The following TLL1 variants were observed in gnomAD, a reference collection of about 807,000 sequenced individuals.
TLL1 encodes tolloid-like protein 1.
TLL1 carries 49 observed loss-of-function variants against 128.2 expected under a neutral mutation model. That is an observed-to-expected ratio of 0.38 (90% CI 0.30 to 0.48). The LOEUF is 0.48. TLL1 is among the 20% of genes least tolerant of loss of function. The pLI, the probability that TLL1 is intolerant of heterozygous loss-of-function variation, is 0.96. For synonymous variants in TLL1, 454 were observed against 418.8 expected (o/e 1.08, Z -1.03); for missense variants, 1,123 against 1,242.0 (o/e 0.90, Z 1.44).
In TLL1 at chr4:165,957,056, G is replaced by A. The variant is rs1420488721; in HGVS notation, c.170-32325G>A. ...AAACACCCCACTTAAAAGGCACGGA[G>A]TGGCAAGTTAGACAAAAAAATAAGA... On this transcript the variant is annotated intron_variant, in intron 1 of 20. Transcript: ENST00000061240. 5.3e-5 allele frequency among the ~76,000 whole-genome samples: 8 copies of A among 152,086 alleles called. No homozygotes were observed. The East Asian group carries it at 1.5e-3, about 29-fold the overall frequency.
At chr4:166,018,186 G>A (rs1738039634) in intron 8 of TLL1, among the ~76,000 whole-genome samples, 1 of 152,062 alleles carries the variant, frequency 6.6e-6, no homozygotes, top group Non-Finnish European at 1.5e-5. Flanking sequence ...ACAAAAACAA[G>A]CAATGGGGAA....
chr4:165,914,160 C>T (rs1485726004), intron 1 of TLL1, among the ~76,000 whole-genome samples: 1 of 152,222 alleles, frequency 6.6e-6, no homozygotes, highest in East Asian at 1.9e-4. Context: ...ACAATCATTA[C>T]CTTCATTAGA....
At chr4:166,039,293 G>T (rs1560828140) in intron 9 of TLL1, 46 bp from the exon 10 acceptor site, 3 of 1,349,464 alleles carry the variant, frequency 2.2e-6, no homozygotes, top group Non-Finnish European at 3.2e-6. Context: ...ACTATATGTA[G>T]ATACAATCAT....
chr4:166,045,617 T>G (rs933299012), intron 12 of TLL1, among the ~76,000 whole-genome samples: 1 of 152,242 alleles, frequency 6.6e-6, no homozygotes, highest in African/African-American at 2.4e-5. Flanking sequence ...ATTATGACAC[T>G]GCGCTACTGA....
Position 165,874,005 on chromosome 4 carries a change from A to G in TLL1, c.101A>G (p.Asp34Gly). The part of the protein sequence containing the change: ...ELWVCAGLDY[D>G]YTFDGNEEDK... ...TGGGTCTGCGCTGGCCTCGATTATG[A>G]TTACACTTTTGATGGGAACGAAGAG... Residue 34 changes from aspartate to glycine, a missense_variant, in exon 1 of 21, where the codon GAT becomes GGT. Physicochemically the swap from Asp to Gly is moderately conservative, Grantham distance 94. Around this residue, in one of 3 missense-constraint regions of TLL1, gnomAD observed 480 missense variants for 542.4 expected, o/e 0.89. Transcript: ENST00000061240. The G allele has an allele frequency of 6.2e-7, 1 of 1,614,044 alleles. No individual in the cohort carries two copies. The highest frequency in any genetic ancestry group is 8.5e-7 in the Non-Finnish European group (1 of 1,180,006).
intron 1 of TLL1, among the ~76,000 whole-genome samples, chr4:165,883,543 C>T (rs1731048591): frequency 1.3e-5 from 2 of 152,140 alleles, no homozygotes; most frequent in African/African-American, 2.4e-5. Flanking sequence ...TTATAATCCT[C>T]ATGATGTTGT....
chr4:166,004,949 C>T (rs985498670), intron 6 of TLL1, among the ~76,000 whole-genome samples: 2 of 150,576 alleles, frequency 1.3e-5, no homozygotes, highest in African/African-American at 2.5e-5. Context: ...TGGGTGGTGG[C>T]GGGGGGGTGC....
At chr4:165,924,991 G>A (rs998384649) in intron 1 of TLL1, among the ~76,000 whole-genome samples, 2 of 152,116 alleles carry the variant, frequency 1.3e-5, no homozygotes, top group African/African-American at 4.8e-5. Context: ...GTCCACTGTG[G>A]AGACTTACTG....
Position 165,998,541 on chromosome 4 carries a change from C to G in TLL1, c.632+3363C>G, listed in dbSNP as rs1736992679. On this transcript the variant is annotated intron_variant, in intron 5 of 20. Transcript: ENST00000061240. ...GGACGCGGTGGCTCATGCCTGTAAT[C>G]CCAGCACTTTGGGAGGCCGAGGCGG... 2.0e-5 allele frequency among the ~76,000 whole-genome samples: 3 copies of G among 152,172 alleles called. 1 individual carries two copies. The South Asian group carries it at 6.2e-4, about 32-fold the overall frequency.
In TLL1 at chr4:165,980,422, A is replaced by G. The variant is rs551953980; in HGVS notation, c.170-8959A>G. Among the ~76,000 whole-genome samples the G allele has an allele frequency of 2.6e-5, 4 of 152,214 alleles. No homozygotes were observed. The South Asian group carries it at 8.3e-4, about 32-fold the overall frequency. ...TATTCTCTATAGCATATTCTTCTTG[A>G]ATTTAAATTAGTGATCTCTTGTGAA... On this transcript the variant is annotated intron_variant, in intron 1 of 20. Coordinates refer to ENST00000061240, the MANE Select transcript of TLL1 (RefSeq NM_012464.5).
intron 5 of TLL1, among the ~76,000 whole-genome samples, chr4:165,998,787 ACT>A: frequency 6.7e-6 from 1 of 148,202 alleles, no homozygotes; most frequent in East Asian, 2.0e-4. Context: ...ACAGAGCAAG[ACT>A]CTGTCTTCAA....
chr4:165,928,776 A>G (rs1277246680), intron 1 of TLL1, among the ~76,000 whole-genome samples: 1 of 152,228 alleles, frequency 6.6e-6, no homozygotes, highest in Non-Finnish European at 1.5e-5. Context: ...TACAGTCCCA[A>G]GATTCCTTCG....
intron 12 of TLL1, among the ~76,000 whole-genome samples, chr4:166,048,237 G>A (rs547641590): frequency 0.017 from 1,834 of 107,564 alleles, 27 homozygotes; most frequent in Non-Finnish European, 0.026. Flanking sequence ...ATTCCGTCTC[G>A]GAAAAAAAAA....
At chr4:166,045,845 T>C (rs941438989) in intron 12 of TLL1, among the ~76,000 whole-genome samples, 1 of 152,156 alleles carries the variant, frequency 6.6e-6, no homozygotes, top group African/African-American at 2.4e-5. Flanking sequence ...ATTACTTTAT[T>C]TGGATCTCTG....
At chr4:165,874,845 C>T (rs1037863475) in intron 1 of TLL1, 2 of 152,306 alleles carry the variant, frequency 1.3e-5, no homozygotes, top group Admixed American at 1.3e-4. Context: ...CCTCTGGCGC[C>T]GCTGCCAGCC....
chr4:165,890,814 T>C (rs948246061), intron 1 of TLL1, among the ~76,000 whole-genome samples: 5 of 152,196 alleles, frequency 3.3e-5, no homozygotes, highest in Non-Finnish European at 7.3e-5. Context: ...CTTCTCACAG[T>C]TCCACTAGTC....
chr4:165,924,343 G>A (rs1479448165), intron 1 of TLL1, among the ~76,000 whole-genome samples: 2 of 152,172 alleles, frequency 1.3e-5, no homozygotes, highest in African/African-American at 4.8e-5. Flanking sequence ...TGCTACTCTG[G>A]TGAACACATG....
intron 18 of TLL1, 133 bp downstream of exon 18, chr4:166,078,163 T>C (rs560091899): frequency 7.2e-7 from 1 of 1,384,504 alleles, no homozygotes; most frequent in South Asian, 1.2e-5. Context: ...TTTTGTCTCA[T>C]GCTTTCCTAC....
At chr4:166,000,714 A>T (rs546785630) in intron 5 of TLL1, among the ~76,000 whole-genome samples, 29 of 151,762 alleles carry the variant, frequency 1.9e-4, no homozygotes, top group African/African-American at 5.8e-4. Flanking sequence ...AAAATTTGAA[A>T]TTTTTTTTTG....
Sources: allele counts gnomAD v4.1 joint callset (sites outside exome capture counted in the v4.1 genomes callset), GRCh38; gene constraint gnomAD v4.1.1; regional missense constraint gnomAD v4.1.1; transcripts MANE v1.5; gene names NCBI Gene and HGNC (gene_info 2026-07-23, HGNC 2026-07-21).